The following SH3GL2 variants were observed in gnomAD, a reference collection of about 807,000 sequenced individuals.
SH3GL2 encodes SH3 domain containing GRB2 like 2, endophilin A1.
Under a neutral mutation model 46.0 loss-of-function variants are expected in SH3GL2, and 24 were observed. The observed-to-expected ratio is 0.52, with a 90% CI of 0.38 to 0.73. The LOEUF is 0.73. Ranked by LOEUF, SH3GL2 falls within the 30% of genes least tolerant of loss-of-function variation. The pLI is 0.00. For synonymous variants in SH3GL2, 196 were observed against 147.1 expected, an observed-to-expected ratio of 1.33 and a Z score of -2.40; for missense variants, 413 against 424.2, an observed-to-expected ratio of 0.97 and a Z score of 0.23.
intron 3 of SH3GL2, among the ~76,000 whole-genome samples, chr9:17,767,114 A>G (rs148853647): frequency 2.6e-5 from 4 of 152,336 alleles, no homozygotes; most frequent in Non-Finnish European, 4.4e-5. Flanking sequence ...CAAACTGCTT[A>G]CATAAAAAGC....
rs576852183 is a variant in SH3GL2, at chr9:17,632,890, C to G, written c.45+53603C>G. Among the ~76,000 whole-genome samples, 3 of 152,272 alleles carry G rather than the reference C, an allele frequency of 2.0e-5. No individual in the cohort carries two copies. The South Asian group carries it at 6.2e-4, about 32-fold the overall frequency. ...GTCCAGCTTTGTTGTAAACAGGTAA[C>G]GGATTGTGGTGTTTTATTACTTGAT... On this transcript the variant is annotated intron_variant, in intron 1 of 8. Coordinates refer to ENST00000380607, the MANE Select transcript of SH3GL2 (RefSeq NM_003026.5).
chr9:17,635,755 C>T (rs1312530807), intron 1 of SH3GL2, among the ~76,000 whole-genome samples: 1 of 152,116 alleles, frequency 6.6e-6, no homozygotes, highest in African/African-American at 2.4e-5. Flanking sequence ...AGCTGTGATG[C>T]CCCCAGGGGT....
At chr9:17,707,010 A>G (rs1821489361) in intron 1 of SH3GL2, among the ~76,000 whole-genome samples, 1 of 152,066 alleles carries the variant, frequency 6.6e-6, no homozygotes, top group African/African-American at 2.4e-5. Flanking sequence ...CTTGACATAT[A>G]AAGCCCTTAC....
chr9:17,625,410 T>C (rs1819259339), intron 1 of SH3GL2, among the ~76,000 whole-genome samples: 1 of 152,208 alleles, frequency 6.6e-6, no homozygotes, highest in South Asian at 2.1e-4. Flanking sequence ...CATTGCCTCC[T>C]AACTTGCAAG....
At chr9:17,708,326 T>A (rs1484625313) in intron 1 of SH3GL2, among the ~76,000 whole-genome samples, 1 of 152,040 alleles carries the variant, frequency 6.6e-6, no homozygotes, top group East Asian at 1.9e-4. Context: ...TCTGCTTAAA[T>A]GATTATCACG....
chr9:17,719,368 A>T (rs1442779093), intron 1 of SH3GL2, among the ~76,000 whole-genome samples: 2 of 152,184 alleles, frequency 1.3e-5, no homozygotes, highest in Non-Finnish European at 2.9e-5. Context: ...GCCTAATTCC[A>T]GTCAATGTTT....
intron 1 of SH3GL2, among the ~76,000 whole-genome samples, chr9:17,610,120 C>T (rs139251189): frequency 5.4e-4 from 83 of 152,346 alleles, no homozygotes; most frequent in African/African-American, 1.8e-3. Context: ...CAGCTTTATT[C>T]TAGCTGTGCA....
Position 17,747,747 on chromosome 9 carries a change from T to A in SH3GL2, c.114+613T>A, listed in dbSNP as rs1822734837. Among the ~76,000 whole-genome samples, 7 of 152,280 alleles carry A rather than the reference T, an allele frequency of 4.6e-5. No homozygotes were observed. The South Asian group carries it at 1.5e-3, about 32-fold the overall frequency. ...TGGAGTGCAGTGGCATGATCTTGGC[T>A]CACTGCAACCTCCGTCTCCTGGGTT... On this transcript the variant is annotated intron_variant, in intron 2 of 8. Transcript: ENST00000380607.
chr9:17,583,955 A>G lies in SH3GL2; in HGVS notation c.45+4668A>G, dbSNP rs2134535327. On this transcript the variant is annotated intron_variant, in intron 1 of 8. Coordinates refer to ENST00000380607, the MANE Select transcript of SH3GL2 (RefSeq NM_003026.5). ...ATCTCAGTGAGATTTTCAGTTTCTT[A>G]ATTGCCTCTAAGCAGTCAACTCTCT... Among the ~76,000 whole-genome samples the G allele has an allele frequency of 2.6e-5, 4 of 152,268 alleles. No homozygotes were observed. The Middle Eastern group carries it at 0.01, about 388-fold the overall frequency.
chr9:17,793,188 C>T (rs1824182785), intron 7 of SH3GL2, among the ~76,000 whole-genome samples, 179 bp from the exon 8 acceptor site: 1 of 152,196 alleles, frequency 6.6e-6, no homozygotes, highest in Admixed American at 6.5e-5. Flanking sequence ...CATAAAGGGA[C>T]ATCACCAAAA....
chr9:17,776,556 C>A (rs1823645674), intron 3 of SH3GL2, among the ~76,000 whole-genome samples: 1 of 152,002 alleles, frequency 6.6e-6, no homozygotes, highest in South Asian at 2.1e-4. Flanking sequence ...AGTATTAATA[C>A]TTGTTTAGAG....
At chr9:17,591,171 C>T (rs545620412) in intron 1 of SH3GL2, 1 of 152,230 alleles carries the variant, frequency 6.6e-6, no homozygotes, top group East Asian at 1.9e-4. Flanking sequence ...CATAAAAGGA[C>T]GTGTCTTAAA....
At chr9:17,793,932 G>A (rs1824203894) in intron 8 of SH3GL2, among the ~76,000 whole-genome samples, 1 of 152,238 alleles carries the variant, frequency 6.6e-6, no homozygotes, top group Admixed American at 6.5e-5. Flanking sequence ...CCCACAGACA[G>A]CAAGCGGCTC....
At chr9:17,789,768 G>A in intron 6 of SH3GL2, 7 of 983,820 alleles carry the variant, frequency 7.1e-6, no homozygotes, top group Non-Finnish European at 8.4e-6. Context: ...ATTCTCGACT[G>A]CTAATGAATC....
At chr9:17,657,659 C>T (rs1331239547) in intron 1 of SH3GL2, among the ~76,000 whole-genome samples, 1 of 152,084 alleles carries the variant, frequency 6.6e-6, no homozygotes, top group Non-Finnish European at 1.5e-5. Context: ...ACAAATTAAT[C>T]GTTAGTATTT....
At chr9:17,786,894 A>G (rs1203991532) in intron 4 of SH3GL2, among the ~76,000 whole-genome samples, 1 of 152,118 alleles carries the variant, frequency 6.6e-6, no homozygotes, top group Non-Finnish European at 1.5e-5. Context: ...CCTTTTTCAT[A>G]GATCTTTGCT....
intron 1 of SH3GL2, among the ~76,000 whole-genome samples, chr9:17,699,054 C>T (rs1000567044): frequency 1.3e-4 from 20 of 148,700 alleles, no homozygotes; most frequent in African/African-American, 4.2e-4. Context: ...ACTTGGGAGG[C>T]TGAGGCAGGG....
chr9:17,581,554 A>T (rs1296108403), intron 1 of SH3GL2, among the ~76,000 whole-genome samples: 1 of 152,166 alleles, frequency 6.6e-6, no homozygotes, highest in African/African-American at 2.4e-5. Flanking sequence ...AAAATTAGAG[A>T]AATAGTCCTG....
intron 3 of SH3GL2, among the ~76,000 whole-genome samples, chr9:17,777,654 T>C (rs749708558): frequency 2.6e-5 from 4 of 152,098 alleles, no homozygotes; most frequent in African/African-American, 7.2e-5. Flanking sequence ...GCCTTCTCAC[T>C]ATGTCCTCAT....
Sources: gnomAD v4.1 joint callset for allele counts (sites outside exome capture counted in the v4.1 genomes callset) on GRCh38, gnomAD v4.1.1 for gene constraint, MANE v1.5 for transcripts, NCBI Gene and HGNC (gene_info 2026-07-23, HGNC 2026-07-21) for gene names.